Variants in CSRNP3 observed in about 807,000 individuals in gnomAD.
The protein encoded by CSRNP3 is cysteine and serine rich nuclear protein 3.
A neutral mutation model predicts 48.0 loss-of-function variants in CSRNP3; 12 were observed. That is an observed-to-expected ratio of 0.25 (90% confidence interval 0.16 to 0.41). CSRNP3 has a LOEUF of 0.41. CSRNP3 is among the 10% of genes least tolerant of loss of function. The pLI is 1.00. For synonymous variants in CSRNP3, 263 were observed against 269.7 expected (o/e 0.98, Z 0.24); for missense variants, 580 against 724.4 (o/e 0.80, Z 2.29).
At chr2:165,649,092 A>G (rs1188816380) in intron 4 of CSRNP3, among the ~76,000 whole-genome samples, 3 of 152,290 alleles carry the variant, frequency 2.0e-5, no homozygotes, top group East Asian at 1.9e-4. Flanking sequence ...ATGATCCAAA[A>G]CAAAGCTTTA....
chr2:165,608,082 TTA>T (rs201330941), intron 4 of CSRNP3, among the ~76,000 whole-genome samples: 3 of 150,272 alleles, frequency 2.0e-5, no homozygotes, highest in East Asian at 3.9e-4. Flanking sequence ...TATATATATA[TTA>T]TATATATATA....
In CSRNP3 at chr2:165,551,052, T is replaced by A. The variant is rs1036290109; in HGVS notation, c.-24+33091T>A. 5.9e-5 allele frequency among the ~76,000 whole-genome samples: 9 copies of A among 152,318 alleles called. No homozygotes were observed. The South Asian group carries it at 1.9e-3, about 32-fold the overall frequency. Reference sequence around the variant, plus strand: ...TTTTTCTATCATCTGCCTCCAGAACTGGACAGCTTTTATGCCTCCTTCTTA... The same window carrying A: ...TTTTTCTATCATCTGCCTCCAGAACAGGACAGCTTTTATGCCTCCTTCTTA... On this transcript the variant is annotated intron_variant, in intron 3 of 6. Coordinates refer to ENST00000651982, the MANE Select transcript of CSRNP3 (RefSeq NM_001172173.2).
At chr2:165,518,127 C>A (rs1471765459) in intron 3 of CSRNP3, among the ~76,000 whole-genome samples, 166 bp downstream of exon 3, 2 of 151,846 alleles carry the variant, frequency 1.3e-5, no homozygotes, top group African/African-American at 2.4e-5. Context: ...ATCAGACATA[C>A]AGTATTTAGT....
In CSRNP3 at chr2:165,666,944, AAGAG is replaced by A. The variant is rs749232760; in HGVS notation, c.408+8931_408+8934del. Among the ~76,000 whole-genome samples, 323 of 85,522 alleles carry A rather than the reference AAGAG, an allele frequency of 3.8e-3. 5 individuals are homozygous for A. Among genetic ancestry groups the A allele is most frequent in the South Asian group, 5.6e-3 (11 of 1,980 alleles). 56.1% of individuals were successfully genotyped at this position (85,522 alleles called of 152,430 possible). ...GGGAGGAAAGAGAGAAGAAGAAAGA[AAGAG>A]AGAGAGGAAGGAAGGAAGGAAGGAA... On this transcript the variant is annotated intron_variant, in intron 5 of 6. Coordinates refer to ENST00000651982, the MANE Select transcript of CSRNP3 (RefSeq NM_001172173.2).
At chr2:165,541,214 C>G (rs1393234155) in intron 3 of CSRNP3, among the ~76,000 whole-genome samples, 1 of 142,284 alleles carries the variant, frequency 7.0e-6, no homozygotes, top group African/African-American at 2.6e-5. Context: ...ATCCTCTACA[C>G]CAAATGCATT....
chr2:165,650,233 C>T (rs972794727), intron 4 of CSRNP3, among the ~76,000 whole-genome samples: 4 of 151,984 alleles, frequency 2.6e-5, no homozygotes, highest in Non-Finnish European at 4.4e-5. Flanking sequence ...ATTCAGGAAA[C>T]GAGAATGTGC....
intron 1 of CSRNP3, among the ~76,000 whole-genome samples, chr2:165,483,260 C>T (rs531605604): frequency 6.6e-6 from 1 of 152,090 alleles, no homozygotes; most frequent in East Asian, 1.9e-4. Context: ...GCAGGGGATC[C>T]ATCTAAGCTC....
At chr2:165,551,493 G>T (rs963110638) in intron 3 of CSRNP3, among the ~76,000 whole-genome samples, 2 of 152,126 alleles carry the variant, frequency 1.3e-5, no homozygotes, top group African/African-American at 4.8e-5. Context: ...GAAATTTTAA[G>T]ATAAAAACTC....
intron 3 of CSRNP3, among the ~76,000 whole-genome samples, chr2:165,520,640 T>G (rs572540394): frequency 6.6e-6 from 1 of 150,906 alleles, no homozygotes; most frequent in Non-Finnish European, 1.5e-5. Context: ...AATATTAGAT[T>G]ATTAAAAGAA....
chr2:165,594,999 C>T (rs538180256), intron 3 of CSRNP3, 44 bp from the exon 4 acceptor site: 51 of 1,567,808 alleles, frequency 3.3e-5, no homozygotes, highest in Non-Finnish European at 3.8e-5. Flanking sequence ...ACACGTTCAG[C>T]GGTCAAATAT....
chr2:165,562,166 A>G (rs1685243019), intron 3 of CSRNP3, among the ~76,000 whole-genome samples: 2 of 152,140 alleles, frequency 1.3e-5, no homozygotes, highest in African/African-American at 4.8e-5. Flanking sequence ...AAAGAAATCT[A>G]CCTGTGACTC....
At chr2:165,527,018 A>G (rs1008611000) in intron 3 of CSRNP3, among the ~76,000 whole-genome samples, 4 of 152,188 alleles carry the variant, frequency 2.6e-5, no homozygotes, top group African/African-American at 9.6e-5. Context: ...AAACATTTGC[A>G]TGTCCAAAAA....
At chr2:165,648,499 AT>A (rs1041861917) in intron 4 of CSRNP3, among the ~76,000 whole-genome samples, 1 of 152,022 alleles carries the variant, frequency 6.6e-6, no homozygotes, top group Non-Finnish European at 1.5e-5. Flanking sequence ...TTTTAAAAAG[AT>A]TTTTTTGCTT....
At chr2:165,599,721 T>C (rs974823144) in intron 4 of CSRNP3, among the ~76,000 whole-genome samples, 1 of 152,212 alleles carries the variant, frequency 6.6e-6, no homozygotes, top group Admixed American at 6.5e-5. Flanking sequence ...TTATTTATTA[T>C]GCTGTCTAGA....
chr2:165,664,218 A>G (rs1314844332), intron 5 of CSRNP3, among the ~76,000 whole-genome samples: 1 of 152,232 alleles, frequency 6.6e-6, no homozygotes, highest in Non-Finnish European at 1.5e-5. Context: ...AATGATATAC[A>G]TATTTTCCTT....
chr2:165,679,845 C>T lies in CSRNP3; in HGVS notation c.*92C>T. On this transcript the variant is annotated 3_prime_UTR_variant, in exon 7 of 7. Coordinates refer to ENST00000651982, the MANE Select transcript of CSRNP3 (RefSeq NM_001172173.2). ...GGCTCATCATTGTTTAAACTGAAGA[C>T]CAAGAAAACTTGGACGGTGGTTAAT... 6.6e-7 allele frequency: 1 copy of T among 1,506,784 alleles called. No individual in the cohort carries two copies. The highest frequency in any genetic ancestry group is 1.4e-5 in the South Asian group (1 of 73,800). The allele number at this position is 1,506,784 out of a possible 1,614,324, so 93.3% of individuals were successfully genotyped here. A position where few individuals can be genotyped will look rare whatever the true frequency, so the allele number is the denominator to read the frequency against.
chr2:165,630,808 A>G (rs1686522215), intron 4 of CSRNP3, among the ~76,000 whole-genome samples: 1 of 152,218 alleles, frequency 6.6e-6, no homozygotes, highest in Non-Finnish European at 1.5e-5. Flanking sequence ...TGACGTGTTC[A>G]AAGTTAGTTC....
chr2:165,524,475 T>C (rs113164150), intron 3 of CSRNP3, among the ~76,000 whole-genome samples: 6 of 152,238 alleles, frequency 3.9e-5, no homozygotes, highest in African/African-American at 1.2e-4. Context: ...TTTAAACTTA[T>C]AAACAGTAAA....
intron 3 of CSRNP3, among the ~76,000 whole-genome samples, chr2:165,544,509 T>C (rs1163125680): frequency 6.8e-6 from 1 of 147,224 alleles, no homozygotes; most frequent in East Asian, 1.9e-4. Context: ...CTGGCAACTG[T>C]GTTAAAAGTT....
Sources: allele counts gnomAD v4.1 joint callset (sites outside exome capture counted in the v4.1 genomes callset), GRCh38; gene constraint gnomAD v4.1.1; transcripts MANE v1.5; gene names NCBI Gene and HGNC (gene_info 2026-07-23, HGNC 2026-07-21).